Variants in RBKS observed in about 807,000 individuals in gnomAD.
RBKS encodes ribokinase.
A neutral mutation model predicts 33.9 loss-of-function variants in RBKS; 33 were observed. That is an observed-to-expected ratio of 0.97 (90% CI 0.74 to 1.30). RBKS has a LOEUF of 1.30. Ranked by LOEUF, RBKS falls within the 50% of genes most tolerant of loss-of-function variation. RBKS has a pLI of 0.00. For synonymous variants in RBKS, 125 were observed against 143.0 expected, an observed-to-expected ratio of 0.87 and a Z score of 0.90; for missense variants, 361 against 392.6, an observed-to-expected ratio of 0.92 and a Z score of 0.68.
chr2:27,827,064 C>G (rs1037782308), intron 7 of RBKS, among the ~76,000 whole-genome samples: 1 of 152,168 alleles, frequency 6.6e-6, no homozygotes, highest in Non-Finnish European at 1.5e-5. Flanking sequence ...ATGTTAGCTG[C>G]TAGAATTTGT....
intron 1 of RBKS, among the ~76,000 whole-genome samples, chr2:27,877,841 TCAA>T (rs1304633231): frequency 6.6e-6 from 1 of 152,190 alleles, no homozygotes; most frequent in African/African-American, 2.4e-5. Flanking sequence ...CGCACCATCA[TCAA>T]CATTTGTGAA....
rs574696718 is a variant in RBKS at position 27,819,480 on chromosome 2, C to A, written c.795+8087G>T. On this transcript the variant is annotated intron_variant, in intron 7 of 7. Transcript: ENST00000302188. Reference sequence around the variant, plus strand: ...CCACAGCATGGTGTTACATGTTCCTCCATCTTTCATGAACCATTCCATCCA... The same window carrying A: ...CCACAGCATGGTGTTACATGTTCCTACATCTTTCATGAACCATTCCATCCA... Among the ~76,000 whole-genome samples the A allele has an allele frequency of 2.6e-5, 4 of 152,316 alleles. No homozygotes were observed. The South Asian group carries it at 8.3e-4, about 32-fold the overall frequency.
rs181044830 is a variant in RBKS, at chr2:27,828,616, C to T, written c.607-861G>A. Reference sequence around the variant, plus strand: ...CTCATTCAGTCTGTGACCTTCCCCACACCAATTACAATCTGTAAAATCAGG... The same window carrying T: ...CTCATTCAGTCTGTGACCTTCCCCATACCAATTACAATCTGTAAAATCAGG... On this transcript the variant is annotated intron_variant, in intron 6 of 7. Coordinates refer to ENST00000302188, the MANE Select transcript of RBKS (RefSeq NM_022128.3). Among the ~76,000 whole-genome samples, 6 of 152,334 alleles carry T rather than the reference C, an allele frequency of 3.9e-5. No individual in the cohort carries two copies. In the East Asian group the frequency reaches 5.8e-4, roughly 15 times the overall value.
At chr2:27,853,960 G>C (rs141743858) in intron 2 of RBKS, among the ~76,000 whole-genome samples, 1 of 152,238 alleles carries the variant, frequency 6.6e-6, no homozygotes, top group African/African-American at 2.4e-5. Flanking sequence ...ACTAATTTTT[G>C]ATCTCTGAAA....
intron 5 of RBKS, among the ~76,000 whole-genome samples, chr2:27,840,354 ACGCG>A (rs1287898321): frequency 2.3e-3 from 249 of 108,404 alleles, no homozygotes; most frequent in African/African-American, 6.1e-3. Context: ...ACACACACAC[ACGCG>A]CGCGCGCACA....
chr2:27,857,882 G>A (rs966624488), intron 2 of RBKS, among the ~76,000 whole-genome samples: 1 of 152,166 alleles, frequency 6.6e-6, no homozygotes, highest in Non-Finnish European at 1.5e-5. Context: ...AGAATTGAAA[G>A]CAGGTACTCA....
intron 6 of RBKS, among the ~76,000 whole-genome samples, chr2:27,828,772 C>T (rs1678365816): frequency 2.6e-5 from 4 of 152,252 alleles, no homozygotes; most frequent in South Asian, 4.2e-4. Context: ...GTTTTCAAGA[C>T]TTCTAATTGG....
chr2:27,861,451 C>T (rs1663982369), intron 1 of RBKS: 4 of 470,274 alleles, frequency 8.5e-6, no homozygotes, highest in Non-Finnish European at 1.8e-5. Flanking sequence ...CAGCAGCATT[C>T]CTCTTCCACA....
At chr2:27,791,695 A>G (rs866462092) in intron 7 of RBKS, among the ~76,000 whole-genome samples, 3 of 135,336 alleles carry the variant, frequency 2.2e-5, no homozygotes, top group Non-Finnish European at 4.9e-5. Flanking sequence ...ATACATATAC[A>G]TATACGTATA....
At chr2:27,884,401 T>C (rs1189142234) in intron 1 of RBKS, among the ~76,000 whole-genome samples, 1 of 152,060 alleles carries the variant, frequency 6.6e-6, no homozygotes, top group Non-Finnish European at 1.5e-5. Flanking sequence ...CTCACACCAC[T>C]ACGCCCAGCT....
At chr2:27,820,575 CTCTCTT>C (rs760597024) in intron 7 of RBKS, among the ~76,000 whole-genome samples, 1,406 of 132,058 alleles carry the variant, frequency 0.011, 9 homozygotes, top group South Asian at 0.033. Context: ...CTCTCTCTCT[CTCTCTT>C]TCTTTCTTTT....
chr2:27,857,861 A>C (rs1188309884), intron 2 of RBKS, among the ~76,000 whole-genome samples: 1 of 152,222 alleles, frequency 6.6e-6, no homozygotes, highest in African/African-American at 2.4e-5. Flanking sequence ...TAAAAACAAT[A>C]AACTTCCACA....
intron 7 of RBKS, among the ~76,000 whole-genome samples, chr2:27,792,046 T>A (rs1677537438): frequency 6.6e-6 from 1 of 152,210 alleles, no homozygotes; most frequent in South Asian, 2.1e-4. Context: ...GAATGTCAGG[T>A]TTGAAAACCT....
intron 6 of RBKS, 43 bp downstream of exon 6, chr2:27,832,643 A>G (rs1334554678): frequency 4.6e-6 from 6 of 1,293,582 alleles, no homozygotes; most frequent in Non-Finnish European, 6.7e-6. Context: ...ACTTGTACAA[A>G]CTTTTGGTTT....
chr2:27,789,868 A>ATT (rs1677473576), intron 7 of RBKS, among the ~76,000 whole-genome samples: 3 of 131,080 alleles, frequency 2.3e-5, no homozygotes, highest in African/African-American at 8.5e-5. Flanking sequence ...TGGCCAGCTG[A>ATT]TGTGTGTGTG....
In RBKS at chr2:27,785,197, A is replaced by G. The variant is rs185955449; in HGVS notation, c.796-3409T>C. 1.2e-4 allele frequency among the ~76,000 whole-genome samples: 18 copies of G among 152,326 alleles called. No homozygotes were observed. In the East Asian group the frequency reaches 3.3e-3, roughly 28 times the overall value. ...AGCAAGTCAGTAAACACAAAAAGAC[A>G]TGAAAAAAATAACAGGTTTTTAATT... On this transcript the variant is annotated intron_variant, in intron 7 of 7. Coordinates refer to ENST00000302188, the MANE Select transcript of RBKS (RefSeq NM_022128.3).
chr2:27,869,032 T>A (rs972878138), intron 1 of RBKS, among the ~76,000 whole-genome samples: 1 of 152,132 alleles, frequency 6.6e-6, no homozygotes, highest in Non-Finnish European at 1.5e-5. Context: ...ATTTCACAGA[T>A]AAGGAGAATG....
At chr2:27,813,699 A>C (rs544629932) in intron 7 of RBKS, among the ~76,000 whole-genome samples, 69 of 152,130 alleles carry the variant, frequency 4.5e-4, no homozygotes, top group African/African-American at 1.5e-3. Flanking sequence ...AGAGAGAGAG[A>C]GCGAATATCT....
chr2:27,835,448 T>C (rs1187546604), intron 5 of RBKS, among the ~76,000 whole-genome samples: 1 of 103,688 alleles, frequency 9.6e-6, no homozygotes, highest in African/African-American at 3.9e-5. Flanking sequence ...TTTTCTGAGA[T>C]GGCTCTGTCA....
Sources: gnomAD v4.1 joint callset for allele counts (sites outside exome capture counted in the v4.1 genomes callset) on GRCh38, gnomAD v4.1.1 for gene constraint, MANE v1.5 for transcripts, NCBI Gene and HGNC (gene_info 2026-07-23, HGNC 2026-07-21) for gene names.